SNX27: variants seen among roughly 807,000 people sequenced by gnomAD.
The protein encoded by SNX27 is sorting nexin 27.
A neutral mutation model predicts 71.6 loss-of-function variants in SNX27; 22 were observed. The ratio of observed to expected loss-of-function variants is 0.31; its 90% CI spans 0.22 to 0.44. The LOEUF (loss-of-function observed/expected upper bound fraction) is 0.44. Ranked by LOEUF, SNX27 falls within the 20% of genes least tolerant of loss-of-function variation. The probability of loss-of-function intolerance (pLI) is 1.00; values close to 1 mark genes in which losing one functional copy is unlikely to be tolerated. For synonymous variants in SNX27, 269 were observed against 277.2 expected, an observed-to-expected ratio of 0.97 and a Z score of 0.29; for missense variants, 531 against 698.6, an observed-to-expected ratio of 0.76 and a Z score of 2.70.
At chr1:151,681,919 C>G (rs1021166363) in intron 7 of SNX27, among the ~76,000 whole-genome samples, 3 of 152,012 alleles carry the variant, frequency 2.0e-5, no homozygotes, top group African/African-American at 7.2e-5. Context: ...TGTTTCCTAT[C>G]TTTAGCTTAT....
intron 7 of SNX27, chr1:151,677,038 C>A (rs1670733820): frequency 6.6e-6 from 1 of 151,796 alleles, no homozygotes. Context: ...ATTATTGTTT[C>A]TATATAATAT....
intron 2 of SNX27, among the ~76,000 whole-genome samples, chr1:151,643,738 G>A (rs773710900): frequency 6.6e-6 from 1 of 151,876 alleles, no homozygotes; most frequent in Non-Finnish European, 1.5e-5. Context: ...TCGGCTCACC[G>A]CAACGTCTGC....
intron 2 of SNX27, among the ~76,000 whole-genome samples, chr1:151,651,179 T>C (rs369177873): frequency 1.0e-4 from 15 of 149,572 alleles, no homozygotes; most frequent in African/African-American, 2.0e-4. Flanking sequence ...TAGGGGCGGC[T>C]GGGCAGAGGC....
intron 1 of SNX27, chr1:151,613,821 TCTC>T (rs778860372): frequency 6.6e-6 from 1 of 152,222 alleles, no homozygotes; most frequent in Non-Finnish European, 1.5e-5. Context: ...TTGTCTCCGT[TCTC>T]CTCAGCAGTC....
chr1:151,635,168 T>A (rs1352562474), intron 1 of SNX27, among the ~76,000 whole-genome samples: 1 of 152,218 alleles, frequency 6.6e-6, no homozygotes, highest in African/African-American at 2.4e-5. Flanking sequence ...TACTACCAAC[T>A]TGTTTGCCCA....
intron 2 of SNX27, among the ~76,000 whole-genome samples, chr1:151,643,264 T>A (rs75562577): frequency 9.2e-4 from 128 of 139,194 alleles, no homozygotes; most frequent in Non-Finnish European, 1.6e-3. Flanking sequence ...ACGCCTGGCC[T>A]TTTATTTATT....
chr1:151,629,586 A>AT (rs1462300662), intron 1 of SNX27, among the ~76,000 whole-genome samples: 3,767 of 138,490 alleles, frequency 0.027, 185 homozygotes, highest in African/African-American at 0.091. Flanking sequence ...TATATATATA[A>AT]TTTTTTTTTT....
chr1:151,627,233 T>C (rs1056832580), intron 1 of SNX27, among the ~76,000 whole-genome samples: 6 of 152,228 alleles, frequency 3.9e-5, no homozygotes, highest in African/African-American at 1.4e-4. Flanking sequence ...TCCGTGAATT[T>C]CCATTCCACA....
intron 7 of SNX27, chr1:151,678,010 T>C (rs1670774212): frequency 6.6e-6 from 1 of 152,204 alleles, no homozygotes; most frequent in Admixed American, 6.5e-5. Flanking sequence ...ATTCACAATG[T>C]TGTGTAACAG....
chr1:151,654,610 A>G (rs917757683), intron 2 of SNX27, among the ~76,000 whole-genome samples: 3 of 152,128 alleles, frequency 2.0e-5, no homozygotes, highest in African/African-American at 7.2e-5. Context: ...CTTTAATAGA[A>G]TAACACAGAT....
At position 151,612,183 on chromosome 1, in the gene SNX27, C is replaced by G; in HGVS notation, c.-19C>G. On this transcript the variant is annotated 5_prime_UTR_variant, in exon 1 of 12. Transcript: ENST00000458013. This position sits in a 1 kb window ranked among gnomAD's most constrained non-coding sequence, Gnocchi z 5.2. ...CTTGGAGGCGTAGGGGGCGGGGGTACGGCTCGCCTGCTCGCAAGATGGCGG... is the reference window on the plus strand; with the variant it reads ...CTTGGAGGCGTAGGGGGCGGGGGTAGGGCTCGCCTGCTCGCAAGATGGCGG... The G allele has an allele frequency of 7.5e-7, 1 of 1,334,124 alleles. No homozygotes were observed. Among genetic ancestry groups the G allele is most frequent in the Non-Finnish European group, 9.6e-7 (1 of 1,041,098 alleles). 82.6% of individuals were successfully genotyped at this position (1,334,124 alleles called of 1,614,324 possible).
At chr1:151,632,683 A>G (rs1243870356) in intron 1 of SNX27, among the ~76,000 whole-genome samples, 5 of 152,142 alleles carry the variant, frequency 3.3e-5, no homozygotes, top group African/African-American at 1.2e-4. Flanking sequence ...TTATTTAAGC[A>G]GTTTTATGCT....
chr1:151,630,380 G>A (rs1668169627), intron 1 of SNX27, among the ~76,000 whole-genome samples: 2 of 152,120 alleles, frequency 1.3e-5, no homozygotes, highest in Non-Finnish European at 2.9e-5. Context: ...GATGATAAAA[G>A]TTGATATTAA....
intron 7 of SNX27, chr1:151,679,986 G>A (rs1439805114): frequency 6.6e-6 from 1 of 152,048 alleles, no homozygotes; most frequent in Admixed American, 6.6e-5. Context: ...GTGGAATGAC[G>A]CTCTGGGATC....
At chr1:151,678,791 C>T (rs1670812866) in intron 7 of SNX27, 1 of 152,082 alleles carries the variant, frequency 6.6e-6, no homozygotes, top group African/African-American at 2.4e-5. Flanking sequence ...TCGGCTCACT[C>T]CAACCCGTGC....
intron 1 of SNX27, among the ~76,000 whole-genome samples, chr1:151,622,377 G>A (rs1047829344): frequency 6.6e-6 from 1 of 151,892 alleles, no homozygotes; most frequent in African/African-American, 2.4e-5. Context: ...TTCAGGTTGC[G>A]GCCCCAGAAC....
In SNX27 at chr1:151,697,937, T is replaced by C. The variant is rs1030385817; in HGVS notation, c.*3520T>C. On this transcript the variant is annotated 3_prime_UTR_variant, in exon 12 of 12. Transcript: ENST00000458013. Reference sequence around the variant, plus strand: ...GAGCTTTTTATGGCCCAGGAGAAAATGTAGACCCTGAGAAACCTGTCCCTG... The same window carrying C: ...GAGCTTTTTATGGCCCAGGAGAAAACGTAGACCCTGAGAAACCTGTCCCTG... The C allele has an allele frequency of 6.6e-6, 1 of 152,182 alleles. No homozygotes were observed. The highest frequency in any genetic ancestry group is 2.1e-4 in the South Asian group (1 of 4,832). The allele number at this position is 152,182 out of a possible 1,614,324, so 9.4% of individuals were successfully genotyped here. A position where few individuals can be genotyped will look rare whatever the true frequency, so the allele number is the denominator to read the frequency against.
Position 151,612,621 on chromosome 1 carries a change from G to A in SNX27, c.311+109G>A. ...CCGCACCTCCCCCGAGCTCCGAGCC[G>A]GCCTCCGGACCCCCGCCCCTCAGGC... On this transcript the variant is annotated intron_variant, in intron 1 of 11. Transcript: ENST00000458013. This position sits in a 1 kb window ranked among gnomAD's most constrained non-coding sequence, Gnocchi z 5.2. 3.4e-6 allele frequency: 3 copies of A among 872,126 alleles called. No individual in the cohort carries two copies. Among genetic ancestry groups the A allele is most frequent in the Non-Finnish European group, 3.0e-6 (2 of 664,082 alleles). 54.0% of individuals were successfully genotyped at this position (872,126 alleles called of 1,614,324 possible). A position where few individuals can be genotyped will look rare whatever the true frequency, so the allele number is the denominator to read the frequency against.
intron 2 of SNX27, among the ~76,000 whole-genome samples, chr1:151,650,487 T>C (rs1669274002): frequency 6.6e-6 from 1 of 152,220 alleles, no homozygotes; most frequent in African/African-American, 2.4e-5. Context: ...TTCAGCCCAT[T>C]CTTTTTCTCT....
Sources: gnomAD v4.1 joint callset for allele counts (sites outside exome capture counted in the v4.1 genomes callset) on GRCh38, gnomAD v4.1.1 for gene constraint, Gnocchi (gnomAD v3.1) non-coding constraint, MANE v1.5 for transcripts, NCBI Gene and HGNC (gene_info 2026-07-23, HGNC 2026-07-21) for gene names.